GSAP: variants seen among roughly 807,000 people sequenced by gnomAD.
The protein encoded by GSAP is gamma-secretase-activating protein.
In GSAP, 118 loss-of-function variants were observed where a neutral mutation model predicts 131.7. That is an observed-to-expected ratio of 0.90 (90% CI 0.77 to 1.04). The LOEUF (loss-of-function observed/expected upper bound fraction) is 1.04. Ranked by LOEUF, GSAP falls within the 50% of genes least tolerant of loss-of-function variation. The pLI, the probability that GSAP is intolerant of heterozygous loss-of-function variation, is 0.00. For synonymous variants in GSAP, 381 were observed against 363.4 expected (o/e 1.05, Z -0.55); for missense variants, 1,019 against 1,013.2 (o/e 1.01, Z -0.08).
chr7:77,400,416 C>T (rs543219763), intron 3 of GSAP, among the ~76,000 whole-genome samples: 32 of 152,282 alleles, frequency 2.1e-4, no homozygotes, highest in African/African-American at 7.5e-4. Flanking sequence ...CTACCTTTCC[C>T]CCATCCTGCT....
At chr7:77,331,060 T>C (rs573454837) in intron 19 of GSAP, among the ~76,000 whole-genome samples, 1 of 152,308 alleles carries the variant, frequency 6.6e-6, no homozygotes, top group South Asian at 2.1e-4. Context: ...ATGCCTGTAA[T>C]CCCAGCACTT....
chr7:77,374,042 T>C, intron 12 of GSAP, 28 bp downstream of exon 12: 2 of 1,250,108 alleles, frequency 1.6e-6, no homozygotes, highest in South Asian at 2.5e-5. Flanking sequence ...TACGGTTGAA[T>C]AAATTGATAA....
chr7:77,380,895 C>T (rs1003509989), intron 8 of GSAP, among the ~76,000 whole-genome samples: 10 of 152,104 alleles, frequency 6.6e-5, no homozygotes, highest in African/African-American at 2.2e-4. Flanking sequence ...TTTAGTAACC[C>T]ATAGGGATAC....
intron 19 of GSAP, among the ~76,000 whole-genome samples, chr7:77,334,580 TAAAAAAAAAAAA>T (rs57442782): frequency 2.4e-5 from 2 of 81,924 alleles, no homozygotes; most frequent in African/African-American, 9.9e-5. Context: ...ACTTAAAATT[TAAAAAAAAAAAA>T]AAAAAAAAAA....
At chr7:77,385,159 G>A (rs1218758798) in intron 6 of GSAP, among the ~76,000 whole-genome samples, 3 of 151,278 alleles carry the variant, frequency 2.0e-5, no homozygotes, top group Admixed American at 1.3e-4. Flanking sequence ...TCAGCCACCC[G>A]AGTAGATGGG....
At position 77,355,083 on chromosome 7, in the gene GSAP, TCAG is replaced by T. The variant is rs1169055726; in HGVS notation, c.1338+127_1338+129del. The stretch of plus-strand genomic sequence containing the variant: ...AAAAGCAGCGCAAAAGATGACGATG[TCAG>T]CAGCAAGGCCACACACCTCAATTAA... On this transcript the variant is annotated intron_variant, in intron 16 of 30. Coordinates refer to ENST00000257626, the MANE Select transcript of GSAP (RefSeq NM_017439.4). The T allele has an allele frequency of 1.1e-5, 7 of 631,170 alleles. No individual in the cohort carries two copies. The African/African-American group carries it at 1.3e-4, about 12-fold the overall frequency. 39.1% of individuals were successfully genotyped at this position (631,170 alleles called of 1,614,324 possible).
At chr7:77,383,394 C>T (rs1798069516) in intron 6 of GSAP, among the ~76,000 whole-genome samples, 2 of 151,738 alleles carry the variant, frequency 1.3e-5, no homozygotes, top group South Asian at 2.1e-4. Context: ...AATTTGAGAG[C>T]CAAGTAAATA....
At chr7:77,331,012 G>A (rs1789061412) in intron 19 of GSAP, among the ~76,000 whole-genome samples, 1 of 152,204 alleles carries the variant, frequency 6.6e-6, no homozygotes. Context: ...AAAATGCAAT[G>A]TTAATACGTT....
chr7:77,311,804 A>G, intron 30 of GSAP, 37 bp downstream of exon 30: 3 of 985,822 alleles, frequency 3.0e-6, no homozygotes. Flanking sequence ...TGTCAAGGGA[A>G]AAGTGGTAAG....
chr7:77,350,271 T>A (rs1288255687), intron 18 of GSAP, among the ~76,000 whole-genome samples: 1 of 68,294 alleles, frequency 1.5e-5, no homozygotes, highest in Non-Finnish European at 2.5e-5. Context: ...TGGGGACTGT[T>A]GTGGGGTGGG....
chr7:77,324,824 TAC>T (rs1788105049), intron 23 of GSAP, among the ~76,000 whole-genome samples: 1 of 137,288 alleles, frequency 7.3e-6, no homozygotes, highest in East Asian at 2.3e-4. Flanking sequence ...TTGTTTGCCA[TAC>T]TTTTTTTTTT....
chr7:77,370,165 A>G (rs1247859700), intron 12 of GSAP, among the ~76,000 whole-genome samples: 1 of 152,218 alleles, frequency 6.6e-6, no homozygotes, highest in Non-Finnish European at 1.5e-5. Flanking sequence ...GATTTAAAGC[A>G]AAGTACCAGG....
At chr7:77,396,766 C>T (rs1039571819) in intron 5 of GSAP, among the ~76,000 whole-genome samples, 1 of 151,948 alleles carries the variant, frequency 6.6e-6, no homozygotes, top group African/African-American at 2.4e-5. Context: ...AATACTTCTG[C>T]TGAATCACTG....
intron 28 of GSAP, among the ~76,000 whole-genome samples, chr7:77,312,800 G>T (rs1794549404): frequency 6.6e-6 from 1 of 152,236 alleles, no homozygotes; most frequent in South Asian, 2.1e-4. Context: ...TGCCAGAGGT[G>T]CAAGTGTGCA....
At chr7:77,392,462 C>A (rs991443099) in intron 5 of GSAP, among the ~76,000 whole-genome samples, 1 of 150,376 alleles carries the variant, frequency 6.6e-6, no homozygotes, top group Non-Finnish European at 1.5e-5. Flanking sequence ...GCAGGAGTAT[C>A]GCTTGAACCC....
At position 77,362,642 on chromosome 7, in the gene GSAP, T is replaced by C. The variant is rs1299990762; in HGVS notation, c.890A>G (p.Tyr297Cys). The C allele has an allele frequency of 1.9e-6, 3 of 1,572,448 alleles. No individual in the cohort carries two copies. Among genetic ancestry groups the C allele is most frequent in the Non-Finnish European group, 2.6e-6 (3 of 1,142,740 alleles). The change falls in exon 13 of 31, where the codon TAC becomes TGC. Residue 297 changes from tyrosine (Y) to cysteine (C), a missense_variant. Physicochemically the swap from Tyr to Cys is radical, Grantham distance 194 (BLOSUM62 -2). Transcript: ENST00000257626. ...TCCCCAAGAGGCACACTTCGGGCTG[T>C]AACATACACACAAACTTCCTAGAAG... ...TNHTGSLCVC[Y>C]SPKCASWGQI...
intron 27 of GSAP, among the ~76,000 whole-genome samples, chr7:77,313,839 T>G (rs1423424439): frequency 1.3e-5 from 2 of 152,228 alleles, no homozygotes; most frequent in African/African-American, 4.8e-5. Flanking sequence ...AAAATACAAT[T>G]GAATAATTTG....
At chr7:77,317,119 C>A (rs1030432644) in intron 26 of GSAP, among the ~76,000 whole-genome samples, 18 of 152,086 alleles carry the variant, frequency 1.2e-4, no homozygotes, top group Admixed American at 4.6e-4. Flanking sequence ...TGTCACCTCC[C>A]CCCTCTATTT....
At chr7:77,404,474 G>C in intron 3 of GSAP, 85 bp downstream of exon 3, 1 of 738,966 alleles carries the variant, frequency 1.4e-6, no homozygotes. Context: ...AGAAAATAAA[G>C]TTGGAATTTA....
Sources: allele counts gnomAD v4.1 joint callset (sites outside exome capture counted in the v4.1 genomes callset), GRCh38; gene constraint gnomAD v4.1.1; transcripts MANE v1.5; gene names NCBI Gene and HGNC (gene_info 2026-07-23, HGNC 2026-07-21).